The following KCNH8 variants were observed in gnomAD, a reference collection of about 807,000 sequenced individuals.
KCNH8 encodes the protein potassium voltage-gated channel subfamily H member 8.
KCNH8 carries 70 observed loss-of-function variants against 103.6 expected under a neutral mutation model. That is an observed-to-expected ratio of 0.68 (90% CI 0.56 to 0.82). The LOEUF (loss-of-function observed/expected upper bound fraction) is 0.82. Ranked by LOEUF, KCNH8 falls within the 40% of genes least tolerant of loss-of-function variation. The pLI, the probability that KCNH8 is intolerant of heterozygous loss-of-function variation, is 0.00. For synonymous variants in KCNH8, 498 were observed against 489.4 expected (o/e 1.02, Z -0.23); for missense variants, 1,217 against 1,329.9 (o/e 0.92, Z 1.32).
intron 11 of KCNH8, among the ~76,000 whole-genome samples, chr3:19,484,729 G>A (rs979600026): frequency 6.6e-5 from 10 of 152,134 alleles, no homozygotes; most frequent in South Asian, 2.1e-4. Flanking sequence ...ATCCACACGC[G>A]ATCACCTGGA....
chr3:19,349,817 C>T (rs1430588964), intron 5 of KCNH8, among the ~76,000 whole-genome samples: 1 of 152,086 alleles, frequency 6.6e-6, no homozygotes, highest in Admixed American at 6.6e-5. Flanking sequence ...CTAAATTCTT[C>T]TGTGTTTTTT....
chr3:19,453,766 C>T (rs2067486811), intron 10 of KCNH8, among the ~76,000 whole-genome samples: 1 of 152,020 alleles, frequency 6.6e-6, no homozygotes, highest in African/African-American at 2.4e-5. Flanking sequence ...CAAAATGAGC[C>T]CTTACCAAAC....
At chr3:19,449,418 A>G (rs573168859) in intron 8 of KCNH8, among the ~76,000 whole-genome samples, 20 of 151,658 alleles carry the variant, frequency 1.3e-4, no homozygotes, top group South Asian at 2.1e-4. Context: ...AAATTTTCCA[A>G]TATCTCCCTC....
intron 1 of KCNH8, among the ~76,000 whole-genome samples, chr3:19,153,604 T>C (rs575638479): frequency 2.6e-5 from 4 of 151,856 alleles, no homozygotes; most frequent in African/African-American, 9.7e-5. Context: ...TTTCTTTTTC[T>C]TTTTCTTTTC....
chr3:19,188,928 C>T (rs113652230), intron 1 of KCNH8, among the ~76,000 whole-genome samples: 102 of 152,024 alleles, frequency 6.7e-4, no homozygotes, highest in Non-Finnish European at 9.3e-4. Context: ...AGGCGTGCAT[C>T]ACTGCTTCCA....
chr3:19,239,520 T>C (rs2064108365), intron 1 of KCNH8, among the ~76,000 whole-genome samples: 1 of 152,208 alleles, frequency 6.6e-6, no homozygotes, highest in Non-Finnish European at 1.5e-5. Flanking sequence ...AGTGAAAATA[T>C]CAGTTTCACA....
Position 19,336,183 on chromosome 3 carries a change from T to C in KCNH8, c.443-6404T>C, listed in dbSNP as rs1049426818. ...TTTGTAATAGATACATTTTAGGTAT[T>C]AATTTTTCTCTCATTCATCTGATTA... On this transcript the variant is annotated intron_variant, in intron 3 of 15. Coordinates refer to ENST00000328405, the MANE Select transcript of KCNH8 (RefSeq NM_144633.3). Among the ~76,000 whole-genome samples the C allele has an allele frequency of 3.9e-5, 6 of 151,928 alleles. No homozygotes were observed. The South Asian group carries it at 1.2e-3, about 31-fold the overall frequency.
chr3:19,225,603 A>T (rs1475431447), intron 1 of KCNH8, among the ~76,000 whole-genome samples: 1 of 151,994 alleles, frequency 6.6e-6, no homozygotes, highest in African/African-American at 2.4e-5. Flanking sequence ...CTTCATATAA[A>T]AATTCTTATA....
rs142136336 is a variant in KCNH8 at position 19,436,431 on chromosome 3, C to T, written c.1178-1733C>T. On this transcript the variant is annotated intron_variant, in intron 7 of 15. Transcript: ENST00000328405. ...GTACAGTCACATGTTGTCTTGTTAC[C>T]GTGGAACATGTACTGTCATTTCAGA... Among the ~76,000 whole-genome samples, 278 of 152,228 alleles carry T rather than the reference C, an allele frequency of 1.8e-3. 1 individual carries two copies. The highest frequency in any genetic ancestry group is 6.4e-3 in the African/African-American group (264 of 41,538).
chr3:19,296,632 C>T (rs1684485720), intron 3 of KCNH8, among the ~76,000 whole-genome samples: 1 of 151,976 alleles, frequency 6.6e-6, no homozygotes, highest in Admixed American at 6.6e-5. Flanking sequence ...TATGGTTATT[C>T]GTAATAAACT....
chr3:19,492,340 T>G (rs1327187508), intron 11 of KCNH8, among the ~76,000 whole-genome samples: 1 of 152,172 alleles, frequency 6.6e-6, no homozygotes, highest in African/African-American at 2.4e-5. Flanking sequence ...CCATCTTGAG[T>G]TAATTTTTGT....
At chr3:19,247,640 C>T (rs931547767) in intron 1 of KCNH8, among the ~76,000 whole-genome samples, 1 of 152,132 alleles carries the variant, frequency 6.6e-6, no homozygotes, top group Non-Finnish European at 1.5e-5. Flanking sequence ...CTTGCTAACC[C>T]AATGCAAGGA....
At chr3:19,395,037 C>G (rs2066493574) in intron 6 of KCNH8, 67 bp from the exon 7 acceptor site, 1 of 1,135,490 alleles carries the variant, frequency 8.8e-7, no homozygotes, top group Non-Finnish European at 1.3e-6. Context: ...TAGAATGGCT[C>G]CAAGTTAATG....
intron 11 of KCNH8, among the ~76,000 whole-genome samples, chr3:19,478,441 GT>G (rs1026963503): frequency 2.6e-5 from 4 of 151,930 alleles, no homozygotes; most frequent in Non-Finnish European, 5.9e-5. Flanking sequence ...AACAACATCT[GT>G]TGTTCTTTGA....
At chr3:19,169,561 CTT>C (rs2063320735) in intron 1 of KCNH8, among the ~76,000 whole-genome samples, 1 of 152,122 alleles carries the variant, frequency 6.6e-6, no homozygotes, top group African/African-American at 2.4e-5. Context: ...TAGTCTCACT[CTT>C]TTCTAACATT....
chr3:19,495,754 G>A (rs2068426066), intron 11 of KCNH8, among the ~76,000 whole-genome samples: 1 of 151,620 alleles, frequency 6.6e-6, no homozygotes, highest in Non-Finnish European at 1.5e-5. Flanking sequence ...GTCACTGGCA[G>A]TTTCATAGGC....
chr3:19,417,230 A>G (rs115675106), intron 7 of KCNH8, among the ~76,000 whole-genome samples: 4,413 of 142,678 alleles, frequency 0.031, 247 homozygotes, highest in African/African-American at 0.11. Flanking sequence ...ATGTGTGTGT[A>G]TATATATATA....
intron 12 of KCNH8, among the ~76,000 whole-genome samples, chr3:19,511,496 T>C (rs376678938): frequency 1.5e-4 from 23 of 152,308 alleles, no homozygotes; most frequent in African/African-American, 5.5e-4. Flanking sequence ...AATGCGCTCA[T>C]TGTTTCTCAT....
chr3:19,276,819 A>G (rs1245279346), intron 2 of KCNH8, among the ~76,000 whole-genome samples: 1 of 152,148 alleles, frequency 6.6e-6, no homozygotes. Context: ...AAACCCACAG[A>G]TAAAACTTCC....
Sources: allele counts gnomAD v4.1 joint callset (sites outside exome capture counted in the v4.1 genomes callset), GRCh38; gene constraint gnomAD v4.1.1; transcripts MANE v1.5; gene names NCBI Gene and HGNC (gene_info 2026-07-23, HGNC 2026-07-21).